SLC44A1: variants seen among roughly 807,000 people sequenced by gnomAD.
SLC44A1 encodes the protein choline transporter-like protein 1.
In SLC44A1, 26 loss-of-function variants were observed where a neutral mutation model predicts 79.3. The ratio of observed to expected loss-of-function variants is 0.33; its 90% CI spans 0.24 to 0.46. The LOEUF is 0.46. SLC44A1 is among the 20% of genes least tolerant of loss of function. The pLI is 1.00. For synonymous variants in SLC44A1, 263 were observed against 286.2 expected (o/e 0.92, Z 0.82); for missense variants, 688 against 798.1 (o/e 0.86, Z 1.66).
intron 3 of SLC44A1, among the ~76,000 whole-genome samples, chr9:105,314,623 A>T (rs927453655): frequency 6.6e-5 from 10 of 152,154 alleles, no homozygotes; most frequent in Non-Finnish European, 1.5e-5. Context: ...CCAGTCACTG[A>T]TAAAGTCTCC....
At chr9:105,267,644 A>C (rs1341515007) in intron 1 of SLC44A1, among the ~76,000 whole-genome samples, 1 of 151,702 alleles carries the variant, frequency 6.6e-6, no homozygotes, top group East Asian at 1.9e-4. Flanking sequence ...ATCATCTGTT[A>C]TCTCTCTGTG....
exon 16 of SLC44A1, chr9:105,438,479 A>C (rs1453359082): frequency 9.6e-6 from 5 of 522,868 alleles, no homozygotes; most frequent in Non-Finnish European, 1.4e-5. Flanking sequence ...GCTGTCTAAT[A>C]AATAATCAAA....
At chr9:105,278,296 T>G (rs1830260380) in intron 1 of SLC44A1, among the ~76,000 whole-genome samples, 2 of 152,180 alleles carry the variant, frequency 1.3e-5, no homozygotes, top group African/African-American at 4.8e-5. Context: ...TCACCCAGAC[T>G]GGAGTGCAGT....
At chr9:105,433,374 T>C (rs2131527431) in intron 15 of SLC44A1, among the ~76,000 whole-genome samples, 1 of 152,182 alleles carries the variant, frequency 6.6e-6, no homozygotes, top group African/African-American at 2.4e-5. Flanking sequence ...AAGATTTAAA[T>C]GGGTACCCCA....
chr9:105,374,742 C>G lies in SLC44A1; in HGVS notation c.1632+7C>G. The G allele has an allele frequency of 6.3e-7, 1 of 1,599,726 alleles. No individual in the cohort carries two copies. The highest frequency in any genetic ancestry group is 8.5e-7 in the Non-Finnish European group (1 of 1,172,452). On this transcript the variant is annotated splice_region_variant and intron_variant, in intron 13 of 15. Coordinates refer to ENST00000374720, the MANE Select transcript of SLC44A1 (RefSeq NM_080546.5). Reference sequence around the variant, plus strand: ...TATGTTATTCCTTGGCAAGGTAAAACCAAGTATTTTTTCTGCAACATACAG... The same window carrying G: ...TATGTTATTCCTTGGCAAGGTAAAAGCAAGTATTTTTTCTGCAACATACAG...
intron 4 of SLC44A1, among the ~76,000 whole-genome samples, chr9:105,342,243 A>G (rs1827116050): frequency 6.6e-6 from 1 of 152,164 alleles, no homozygotes. Context: ...TACATTGTGC[A>G]CTTTGCTTAG....
At chr9:105,305,546 A>C (rs924857978) in intron 2 of SLC44A1, among the ~76,000 whole-genome samples, 2 of 152,134 alleles carry the variant, frequency 1.3e-5, no homozygotes, top group African/African-American at 4.8e-5. Context: ...GAGCCCAAGC[A>C]CTGATGAGAT....
At chr9:105,386,242 C>T in intron 15 of SLC44A1, 2 of 981,504 alleles carry the variant, frequency 2.0e-6, no homozygotes, top group Non-Finnish European at 2.4e-6. Flanking sequence ...AGCTGCTTTT[C>T]ACATGGATAT....
chr9:105,252,267 G>A (rs774891353), intron 1 of SLC44A1, among the ~76,000 whole-genome samples: 88 of 152,124 alleles, frequency 5.8e-4, no homozygotes, highest in Non-Finnish European at 1.1e-3. Flanking sequence ...TCTAGGCTGA[G>A]TTGATGAAGA....
At chr9:105,267,477 A>G (rs1000405982) in intron 1 of SLC44A1, among the ~76,000 whole-genome samples, 2 of 151,886 alleles carry the variant, frequency 1.3e-5, no homozygotes, top group South Asian at 2.1e-4. Context: ...TTTTCTTACC[A>G]TTTAAAAGTA....
intron 4 of SLC44A1, among the ~76,000 whole-genome samples, chr9:105,337,960 C>T (rs1290214140): frequency 6.6e-6 from 1 of 152,222 alleles, no homozygotes; most frequent in African/African-American, 2.4e-5. Flanking sequence ...GTGTCTTGCA[C>T]AAAGTAGGTG....
chr9:105,281,309 CTA>C (rs1830344633), intron 1 of SLC44A1, among the ~76,000 whole-genome samples: 3 of 152,194 alleles, frequency 2.0e-5, no homozygotes, highest in Non-Finnish European at 4.4e-5. Flanking sequence ...TTTCCGAAAC[CTA>C]TGATATTCTT....
chr9:105,309,702 T>C (rs1051273447), intron 2 of SLC44A1, 22 bp from the exon 3 acceptor site: 2 of 1,611,514 alleles, frequency 1.2e-6, no homozygotes, highest in Non-Finnish European at 1.7e-6. Flanking sequence ...TATTTGTATG[T>C]TTTTTTCTGT....
rs527806285 is a variant in SLC44A1 at position 105,360,113 on chromosome 9, G to A, written c.761-1078G>A. Among the ~76,000 whole-genome samples, 9 of 152,208 alleles carry A rather than the reference G, an allele frequency of 5.9e-5. 1 individual carries two copies. The South Asian group carries it at 1.7e-3, about 28-fold the overall frequency. On this transcript the variant is annotated intron_variant, in intron 7 of 15. Coordinates refer to ENST00000374720, the MANE Select transcript of SLC44A1 (RefSeq NM_080546.5). Reference sequence around the variant, plus strand: ...TCTACCACTTTCCGCATTGCTCATTGCAGTAGCCACAATGGTCTTCTTTCT... The same window carrying A: ...TCTACCACTTTCCGCATTGCTCATTACAGTAGCCACAATGGTCTTCTTTCT...
chr9:105,435,801 G>A (rs1829456854), intron 15 of SLC44A1, among the ~76,000 whole-genome samples: 1 of 152,190 alleles, frequency 6.6e-6, no homozygotes, highest in South Asian at 2.1e-4. Context: ...ATATATCATA[G>A]TAATGTAAGA....
At position 105,396,537 on chromosome 9, in the gene SLC44A1, G is replaced by A. The variant is rs1828878732; in HGVS notation, c.*7481G>A. On this transcript the variant is annotated 3_prime_UTR_variant, in exon 16 of 16. Coordinates refer to ENST00000374720, the MANE Select transcript of SLC44A1 (RefSeq NM_080546.5). Reference sequence around the variant, plus strand: ...CCAAATTTAAAGATCAGTCAATACAGTAGGGACCTGCTATTGATCTCTCAG... The same window carrying A: ...CCAAATTTAAAGATCAGTCAATACAATAGGGACCTGCTATTGATCTCTCAG... The A allele has an allele frequency of 3.0e-5, 30 of 985,382 alleles. No homozygotes were observed. Among genetic ancestry groups the A allele is most frequent in the Middle Eastern group, 5.2e-4 (1 of 1,914 alleles). The allele number at this position is 985,382 out of a possible 1,614,324, so 61.0% of individuals were successfully genotyped here. A position where few individuals can be genotyped will look rare whatever the true frequency, so the allele number is the denominator to read the frequency against.
intron 3 of SLC44A1, among the ~76,000 whole-genome samples, chr9:105,322,451 G>A (rs1055220027): frequency 6.6e-6 from 1 of 152,168 alleles, no homozygotes. Context: ...TAGCATACTA[G>A]CCAAATAAAA....
chr9:105,292,689 C>T (rs1208020468), intron 1 of SLC44A1, among the ~76,000 whole-genome samples: 1 of 152,150 alleles, frequency 6.6e-6, no homozygotes, highest in Non-Finnish European at 1.5e-5. Flanking sequence ...ACAAACGTTT[C>T]CTTAATGTTC....
At chr9:105,374,474 A>G (rs745983798) in intron 12 of SLC44A1, 124 bp from the exon 13 acceptor site, 14 of 833,752 alleles carry the variant, frequency 1.7e-5, no homozygotes, top group Middle Eastern at 2.3e-4. Context: ...TCTGTACCTC[A>G]TTAAAGGGTG....
Sources: allele counts gnomAD v4.1 joint callset (sites outside exome capture counted in the v4.1 genomes callset), GRCh38; gene constraint gnomAD v4.1.1; transcripts MANE v1.5; gene names NCBI Gene and HGNC (gene_info 2026-07-23, HGNC 2026-07-21).